Variants in WDR19 observed in about 807,000 individuals in gnomAD.
The protein encoded by WDR19 is WD repeat-containing protein 19.
A neutral mutation model predicts 180.0 loss-of-function variants in WDR19; 121 were observed. The observed-to-expected ratio is 0.67, with a 90% CI of 0.58 to 0.78. WDR19 has a LOEUF of 0.78. Ranked by LOEUF, WDR19 falls within the 30% of genes least tolerant of loss-of-function variation. The probability of loss-of-function intolerance (pLI) is 0.00; values close to 1 mark genes in which losing one functional copy is unlikely to be tolerated. For missense variants in WDR19, 1,450 were observed against 1,640.7 expected, an observed-to-expected ratio of 0.88 and a Z score of 2.01; for synonymous variants, 497 against 540.7, an observed-to-expected ratio of 0.92 and a Z score of 1.12.
In WDR19 at chr4:39,242,259, A is replaced by T. The variant is rs112159159; in HGVS notation, c.2421+1925A>T. On this transcript the variant is annotated intron_variant, in intron 21 of 36. Coordinates refer to ENST00000399820, the MANE Select transcript of WDR19 (RefSeq NM_025132.4). Reference sequence around the variant, plus strand: ...TTTTATTTTTATAATAAAATTAAAAATTTTTATTTTTATGTTTATTTTTGT... The same window carrying T: ...TTTTATTTTTATAATAAAATTAAAATTTTTTATTTTTATGTTTATTTTTGT... 8.7e-3 allele frequency among the ~76,000 whole-genome samples: 1,316 copies of T among 151,940 alleles called. 20 individuals carry two copies. Among genetic ancestry groups the T allele is most frequent in the African/African-American group, 0.03 (1,229 of 41,486 alleles).
At chr4:39,183,632 TA>T (rs1339474665) in intron 1 of WDR19, among the ~76,000 whole-genome samples, 1 of 152,224 alleles carries the variant, frequency 6.6e-6, no homozygotes, top group Non-Finnish European at 1.5e-5. Flanking sequence ...GACGGACCAG[TA>T]ATCATAACTC....
At chr4:39,252,524 A>T (rs1007234616) in intron 24 of WDR19, among the ~76,000 whole-genome samples, 1 of 151,932 alleles carries the variant, frequency 6.6e-6, no homozygotes, top group African/African-American at 2.4e-5. Flanking sequence ...AAAATAATAA[A>T]AAAAAATTAA....
At chr4:39,209,733 A>G (rs568170008) in intron 9 of WDR19, among the ~76,000 whole-genome samples, 23 of 151,300 alleles carry the variant, frequency 1.5e-4, no homozygotes, top group Admixed American at 1.4e-3. Context: ...AAAAAAATCA[A>G]TTAAACAAGA....
intron 15 of WDR19, among the ~76,000 whole-genome samples, chr4:39,227,460 G>GA: frequency 6.6e-6 from 1 of 152,248 alleles, no homozygotes; most frequent in East Asian, 1.9e-4. Flanking sequence ...ATATTCAGGG[G>GA]AAAAATGGAT....
chr4:39,210,195 C>A (rs1052777794), intron 9 of WDR19, among the ~76,000 whole-genome samples: 1 of 151,896 alleles, frequency 6.6e-6, no homozygotes, highest in African/African-American at 2.4e-5. Context: ...ACCTTTATAC[C>A]AAGACCAAAC....
At chr4:39,254,591 A>G (rs1560542674) in intron 26 of WDR19, among the ~76,000 whole-genome samples, 2 of 152,194 alleles carry the variant, frequency 1.3e-5, no homozygotes, top group Admixed American at 6.5e-5. Flanking sequence ...TTCATGGACC[A>G]TACATAATGT....
At position 39,268,080 on chromosome 4, in the gene WDR19, A is replaced by C; in HGVS notation, c.3347A>C (p.Glu1116Ala). 1 of 1,588,276 alleles carries C rather than the reference A, an allele frequency of 6.3e-7. No homozygotes were observed. The highest frequency in any genetic ancestry group is 8.6e-7 in the Non-Finnish European group (1 of 1,166,272). Reference sequence around the variant, plus strand: ...ACTGCCATCATCATTGCCAGAGAAGAGCAGTCTGCAGGTAGGTCCGTGATA... The same window carrying C: ...ACTGCCATCATCATTGCCAGAGAAGCGCAGTCTGCAGGTAGGTCCGTGATA... Reference protein sequence around the residue: ...AQTAIIIAREEQSAGNYRNAH... With the variant: ...AQTAIIIAREAQSAGNYRNAH... The change falls in exon 30 of 37, where the codon GAG (glutamate) becomes GCG (alanine). Residue 1116 changes from glutamate (E) to alanine (A), a missense_variant. Glu to Ala is a moderately radical substitution (Grantham distance 107). Transcript: ENST00000399820.
At chr4:39,277,237 A>G in intron 34 of WDR19, 94 bp downstream of exon 34, 2 of 1,352,258 alleles carry the variant, frequency 1.5e-6, no homozygotes, top group Non-Finnish European at 2.0e-6. Context: ...TCACTTTTAA[A>G]ATAATCTTAT....
chr4:39,225,181 G>T, intron 15 of WDR19, 148 bp downstream of exon 15: 6 of 650,422 alleles, frequency 9.2e-6, no homozygotes, highest in South Asian at 4.2e-5. Context: ...TCATGTTTAT[G>T]ATAGATTTCT....
At chr4:39,270,586 C>T (rs966776577) in intron 31 of WDR19, among the ~76,000 whole-genome samples, 1 of 152,100 alleles carries the variant, frequency 6.6e-6, no homozygotes. Flanking sequence ...CCATGTTGGC[C>T]AGGCTGATTT....
Position 39,208,315 on chromosome 4 carries a change from T to C in WDR19, c.890+2579T>C, listed in dbSNP as rs1728161057. ...ATAGACTGAGTGGATTTTTTTTTTT[T>C]TTTTTTTTTGAGACAGAGTCTCACT... is the stretch of plus-strand genomic sequence containing the variant. On this transcript the variant is annotated intron_variant, in intron 9 of 36. Coordinates refer to ENST00000399820, the MANE Select transcript of WDR19 (RefSeq NM_025132.4). 5.4e-5 allele frequency among the ~76,000 whole-genome samples: 8 copies of C among 148,190 alleles called. No homozygotes were observed. The South Asian group carries it at 1.7e-3, about 32-fold the overall frequency.
chr4:39,218,132 A>G (rs1197018066), intron 14 of WDR19, 27 bp downstream of exon 14: 1 of 1,575,654 alleles, frequency 6.3e-7, no homozygotes, highest in African/African-American at 1.4e-5. Flanking sequence ...TTTTTAGAGA[A>G]CACTGGGAAT....
intron 19 of WDR19, among the ~76,000 whole-genome samples, chr4:39,233,793 A>G (rs1191264685): frequency 1.3e-5 from 2 of 152,214 alleles, no homozygotes; most frequent in East Asian, 1.9e-4. Context: ...AAATAGGAAT[A>G]TGGCTGCGAT....
chr4:39,188,450 C>G (rs769585361), intron 3 of WDR19, among the ~76,000 whole-genome samples: 21 of 151,770 alleles, frequency 1.4e-4, no homozygotes, highest in Non-Finnish European at 2.5e-4. Flanking sequence ...CACAGGGGCT[C>G]ACACCTGTAA....
intron 26 of WDR19, among the ~76,000 whole-genome samples, chr4:39,255,172 A>G (rs547367655): frequency 1.8e-4 from 27 of 152,320 alleles, no homozygotes; most frequent in African/African-American, 5.5e-4. Context: ...CCATTTCACT[A>G]AAGCAGTTTT....
chr4:39,200,442 T>C (rs1727251871), intron 6 of WDR19, among the ~76,000 whole-genome samples: 2 of 152,212 alleles, frequency 1.3e-5, no homozygotes, highest in African/African-American at 4.8e-5. Context: ...TGCAGTTTCA[T>C]GTGAAGGCTC....
intron 17 of WDR19, among the ~76,000 whole-genome samples, chr4:39,229,751 AT>A (rs1730648512): frequency 6.6e-6 from 1 of 152,020 alleles, no homozygotes; most frequent in East Asian, 1.9e-4. Flanking sequence ...TGACTCTAAA[AT>A]CTGTGTCTTT....
At chr4:39,281,263 A>AGAGAGAGAGAGAGAGAGAGAGAGAGAG (rs57108177) in intron 36 of WDR19, among the ~76,000 whole-genome samples, 12 of 147,250 alleles carry the variant, frequency 8.1e-5, no homozygotes, top group Middle Eastern at 3.4e-3. Context: ...AGAGAGAGAG[A>AGAGAGAGAGAGAGAGAGAGAGAGAGAG]AAGCCTACTA....
At chr4:39,247,756 G>T (rs1006475281) in intron 24 of WDR19, among the ~76,000 whole-genome samples, 1 of 152,170 alleles carries the variant, frequency 6.6e-6, no homozygotes, top group South Asian at 2.1e-4. Flanking sequence ...GGGTATCAGC[G>T]ATGGAAGACG....
Sources: allele counts gnomAD v4.1 joint callset (sites outside exome capture counted in the v4.1 genomes callset), GRCh38; gene constraint gnomAD v4.1.1; transcripts MANE v1.5; gene names NCBI Gene and HGNC (gene_info 2026-07-23, HGNC 2026-07-21).